The following DIP2C variants were observed in gnomAD, a reference collection of about 807,000 sequenced individuals.
DIP2C encodes DIP2 acetate--CoA ligase C (putative).
A neutral mutation model predicts 192.4 loss-of-function variants in DIP2C; 33 were observed. That is an observed-to-expected ratio of 0.17 (90% confidence interval 0.13 to 0.23). The LOEUF (loss-of-function observed/expected upper bound fraction) is 0.23, where lower values mean the gene tolerates loss of function less well. Ranked by LOEUF, DIP2C falls within the 10% of genes least tolerant of loss-of-function variation. DIP2C has a pLI of 1.00. For synonymous variants in DIP2C, 979 were observed against 864.1 expected (o/e 1.13, Z -2.33); for missense variants, 1,537 against 2,110.1 (o/e 0.73, Z 5.32).
chr10:629,946 G>A (rs1854416638), intron 1 of DIP2C: 1 of 152,326 alleles, frequency 6.6e-6, no homozygotes, highest in African/African-American at 2.4e-5. Context: ...CTGTCCCGGA[G>A]ACGACGAACT....
At chr10:597,159 T>C (rs1006017680) in intron 1 of DIP2C, among the ~76,000 whole-genome samples, 3 of 152,216 alleles carry the variant, frequency 2.0e-5, no homozygotes, top group African/African-American at 7.2e-5. Flanking sequence ...TCCACCTGTC[T>C]GGCTGCAGGC....
At chr10:431,379 G>T (rs966982674) in intron 4 of DIP2C, among the ~76,000 whole-genome samples, 3 of 152,172 alleles carry the variant, frequency 2.0e-5, no homozygotes, top group African/African-American at 7.2e-5. Context: ...TTCCTCATAA[G>T]ATCTTGAACA....
chr10:419,220 A>G, intron 5 of DIP2C, 21 bp from the exon 6 acceptor site: 1 of 1,614,022 alleles, frequency 6.2e-7, no homozygotes. Context: ...ACACATCATG[A>G]GATTTTCTGG....
At chr10:406,150 A>G (rs1056290577) in intron 9 of DIP2C, among the ~76,000 whole-genome samples, 1 of 152,258 alleles carries the variant, frequency 6.6e-6, no homozygotes, top group Non-Finnish European at 1.5e-5. Flanking sequence ...CCATACTATG[A>G]AAGAATTTTT....
At chr10:383,698 G>A (rs1053450772) in intron 16 of DIP2C, among the ~76,000 whole-genome samples, 4 of 152,054 alleles carry the variant, frequency 2.6e-5, no homozygotes, top group African/African-American at 9.7e-5. Context: ...TATGACTTAA[G>A]CACCGTTTTA....
chr10:686,829 C>T (rs555890688), intron 1 of DIP2C, among the ~76,000 whole-genome samples: 71 of 152,376 alleles, frequency 4.7e-4, no homozygotes, highest in African/African-American at 1.5e-3. Context: ...TAATGGCGCC[C>T]AGCAGGCGGG....
chr10:545,619 C>A (rs1172986586), intron 1 of DIP2C, among the ~76,000 whole-genome samples: 1 of 152,210 alleles, frequency 6.6e-6, no homozygotes, highest in Non-Finnish European at 1.5e-5. Flanking sequence ...AGGCTTCCAG[C>A]CTCCAGAACA....
intron 1 of DIP2C, among the ~76,000 whole-genome samples, chr10:595,819 ATGTTGT>A (rs926988453): frequency 6.6e-6 from 1 of 152,230 alleles, no homozygotes; most frequent in Non-Finnish European, 1.5e-5. Flanking sequence ...GCTCAAGCCC[ATGTTGT>A]TCAGGGTCAG....
At chr10:484,386 G>T (rs992153316) in intron 2 of DIP2C, among the ~76,000 whole-genome samples, 1 of 152,158 alleles carries the variant, frequency 6.6e-6, no homozygotes, top group African/African-American at 2.4e-5. Context: ...ACTCCTTCTA[G>T]CAGATCTCAG....
chr10:542,735 T>C (rs374831343), intron 1 of DIP2C, among the ~76,000 whole-genome samples: 1 of 151,898 alleles, frequency 6.6e-6, no homozygotes, highest in Non-Finnish European at 1.5e-5. Context: ...CCAGTTCTTA[T>C]CGGATTGGGG....
At chr10:367,368 G>C (rs1960394045) in intron 18 of DIP2C, among the ~76,000 whole-genome samples, 1 of 150,826 alleles carries the variant, frequency 6.6e-6, no homozygotes, top group Admixed American at 6.6e-5. Flanking sequence ...GGTGAACCGA[G>C]ATCGCGCCAC....
chr10:582,799 C>T lies in DIP2C; in HGVS notation c.86-96269G>A, dbSNP rs547344456. ...CTGGTTTAAATATAGTGGAATCAGACACTGTAATGACACAAAGGGGCTATG... is the reference window on the plus strand; with the variant it reads ...CTGGTTTAAATATAGTGGAATCAGATACTGTAATGACACAAAGGGGCTATG... On this transcript the variant is annotated intron_variant, in intron 1 of 36. Transcript: ENST00000280886. 2.6e-5 allele frequency among the ~76,000 whole-genome samples: 4 copies of T among 152,282 alleles called. No homozygotes were observed. The South Asian group carries it at 6.2e-4, about 24-fold the overall frequency.
intron 6 of DIP2C, among the ~76,000 whole-genome samples, chr10:418,442 C>T (rs1407753714): frequency 6.6e-6 from 1 of 152,200 alleles, no homozygotes; most frequent in African/African-American, 2.4e-5. Flanking sequence ...TATTTCACCG[C>T]TAGGTTCTAC....
intron 4 of DIP2C, among the ~76,000 whole-genome samples, chr10:425,009 G>T (rs368541015): frequency 7.2e-6 from 1 of 139,372 alleles, no homozygotes; most frequent in Non-Finnish European, 1.5e-5. Context: ...CATGACCAGC[G>T]GTGACTAATA....
At chr10:382,328 G>A (rs902743016) in intron 17 of DIP2C, among the ~76,000 whole-genome samples, 1 of 152,216 alleles carries the variant, frequency 6.6e-6, no homozygotes, top group African/African-American at 2.4e-5. Context: ...GAAGAAACCA[G>A]AGATTGGTAC....
At chr10:455,324 G>GTGGCCCATGAGGAGTAA (rs1564733616) in intron 3 of DIP2C, among the ~76,000 whole-genome samples, 1 of 141,764 alleles carries the variant, frequency 7.1e-6, no homozygotes, top group African/African-American at 2.5e-5. Flanking sequence ...TGCCTGAGGG[G>GTGGCCCATGAGGAGTAA]AGACCGTGAG....
intron 1 of DIP2C, among the ~76,000 whole-genome samples, chr10:511,091 A>AC (rs1845983549): frequency 6.6e-6 from 1 of 152,174 alleles, no homozygotes. Flanking sequence ...CTCAATACAC[A>AC]CAGCCGTTTC....
intron 1 of DIP2C, among the ~76,000 whole-genome samples, chr10:557,114 A>G (rs998919493): frequency 6.6e-6 from 1 of 152,224 alleles, no homozygotes; most frequent in African/African-American, 2.4e-5. Flanking sequence ...CCACCTTGAC[A>G]CTGGGCGTAA....
At chr10:471,838 C>T (rs191330683) in intron 3 of DIP2C, among the ~76,000 whole-genome samples, 37 of 152,150 alleles carry the variant, frequency 2.4e-4, no homozygotes, top group African/African-American at 7.2e-4. Context: ...CTGCAACCTC[C>T]GCCTCCCAGG....
Sources: gnomAD v4.1 joint callset for allele counts (sites outside exome capture counted in the v4.1 genomes callset) on GRCh38, gnomAD v4.1.1 for gene constraint, MANE v1.5 for transcripts, NCBI Gene and HGNC (gene_info 2026-07-23, HGNC 2026-07-21) for gene names.